The following CHM variants were observed in gnomAD, a reference collection of about 807,000 sequenced individuals.
CHM encodes the protein CHM Rab escort protein.
A neutral mutation model predicts 49.0 loss-of-function variants in CHM; 10 were observed. The observed-to-expected ratio is 0.20, with a 90% confidence interval of 0.13 to 0.35. The LOEUF (loss-of-function observed/expected upper bound fraction) is 0.35. Ranked by LOEUF, CHM falls within the 10% of genes least tolerant of loss-of-function variation. The probability of loss-of-function intolerance (pLI) is 1.00; values close to 1 mark genes in which losing one functional copy is unlikely to be tolerated. For synonymous variants in CHM, 184 were observed against 167.5 expected, an observed-to-expected ratio of 1.10 and a Z score of -0.76; for missense variants, 455 against 478.4, an observed-to-expected ratio of 0.95 and a Z score of 0.46.
intron 13 of CHM, among the ~76,000 whole-genome samples, chrX:85,873,859 A>G (rs1924258555): frequency 8.9e-6 from 1 of 111,959 alleles, no homozygotes; most frequent in Admixed American, 9.5e-5. Context: ...GTCCTAACTC[A>G]CATCCTAATG....
At chrX:85,990,031 A>T (rs1402850155) in intron 2 of CHM, among the ~76,000 whole-genome samples, 1 of 112,199 alleles carries the variant, frequency 8.9e-6, no homozygotes, top group African/African-American at 3.2e-5. Context: ...ATAAAGACAC[A>T]TGCATGCAAA....
chrX:85,997,357 C>T (rs536402898), intron 2 of CHM, among the ~76,000 whole-genome samples: 1 of 111,490 alleles, frequency 9.0e-6, no homozygotes, highest in Non-Finnish European at 1.9e-5. Context: ...TTATTGTTCA[C>T]CTCGATACCC....
intron 9 of CHM, chrX:85,903,745 T>G: frequency 2.7e-6 from 1 of 374,111 alleles, no homozygotes; most frequent in Non-Finnish European, 5.4e-6. Flanking sequence ...AGCGTGCCAC[T>G]GCTACTGTTG....
In CHM at chrX:86,044,655, G is replaced by A. The variant is rs754418852; in HGVS notation, c.49+2829C>T. ...TTTTAACGTTCAACCAATGGTACTT[G>A]TCTATAATCCACAAAACTGTCATTT... On this transcript the variant is annotated intron_variant, in intron 1 of 14. Transcript: ENST00000357749. Among the ~76,000 whole-genome samples, 4 of 111,577 alleles carry A rather than the reference G, an allele frequency of 3.6e-5. No homozygotes were observed. In the South Asian group the frequency reaches 1.5e-3, roughly 42 times the overall value.
At chrX:85,933,042 T>C (rs1179040838) in intron 8 of CHM, among the ~76,000 whole-genome samples, 2 of 111,004 alleles carry the variant, frequency 1.8e-5, no homozygotes, top group Non-Finnish European at 3.8e-5. Flanking sequence ...CAGCCTACTA[T>C]ACCTAAGAAC....
chrX:85,950,100 C>T (rs1258603416), intron 8 of CHM, among the ~76,000 whole-genome samples: 5 of 99,572 alleles, frequency 5.0e-5, no homozygotes, highest in Admixed American at 3.4e-4. Context: ...TCTGTAGTGC[C>T]GTGAGGATGA....
chrX:86,041,895 C>T (rs2147811735), intron 1 of CHM, among the ~76,000 whole-genome samples: 1 of 109,072 alleles, frequency 9.2e-6, no homozygotes, highest in East Asian at 2.9e-4. Context: ...CCACTGTAGA[C>T]AATAGATGTG....
intron 12 of CHM, among the ~76,000 whole-genome samples, chrX:85,882,914 G>A (rs1489424610): frequency 9.0e-6 from 1 of 110,771 alleles, no homozygotes; most frequent in Non-Finnish European, 1.9e-5. Context: ...TATCTACTTG[G>A]CCAAGTCAGT....
Position 85,981,864 on chromosome X carries a change from C to A in CHM, c.117-55G>T, listed in dbSNP as rs139608129. 2,314 of 885,933 alleles carry A rather than the reference C, an allele frequency of 2.6e-3. 28 individuals are homozygous for A. In the African/African-American group the frequency reaches 0.04, roughly 15 times the overall value. 73.0% of individuals were successfully genotyped at this position (885,933 alleles called of 1,213,427 possible). A position where few individuals can be genotyped will look rare whatever the true frequency, so the allele number is the denominator to read the frequency against. On this transcript the variant is annotated intron_variant, in intron 2 of 14. Transcript: ENST00000357749. Reference sequence around the variant, plus strand: ...AAAGAAAATGGTATAAAAATCAATTCACTGATCTTCATCAACAAACCATCT... The same window carrying A: ...AAAGAAAATGGTATAAAAATCAATTAACTGATCTTCATCAACAAACCATCT...
intron 4 of CHM, among the ~76,000 whole-genome samples, chrX:85,968,501 T>A (rs1167297482): frequency 8.9e-6 from 1 of 111,900 alleles, no homozygotes; most frequent in Non-Finnish European, 1.9e-5. Context: ...TCCTTGGGGA[T>A]GGATCATGAC....
At chrX:85,936,426 G>C (rs1230112639) in intron 8 of CHM, among the ~76,000 whole-genome samples, 3 of 111,548 alleles carry the variant, frequency 2.7e-5, no homozygotes, top group Non-Finnish European at 1.9e-5. Context: ...TAGGAGGTAA[G>C]ACTAGATTAT....
chrX:85,950,010 T>TATATATATATATATATATATATA (rs1929656216), intron 8 of CHM, among the ~76,000 whole-genome samples: 2 of 85,431 alleles, frequency 2.3e-5, no homozygotes, highest in African/African-American at 4.4e-5. Flanking sequence ...TATATATATA[T>TATATATATATATATATATATATA]CTTGTAATGG....
At chrX:85,880,398 G>T (rs1924689066) in intron 12 of CHM, among the ~76,000 whole-genome samples, 1 of 111,186 alleles carries the variant, frequency 9.0e-6, no homozygotes. Flanking sequence ...AGTAAACAGG[G>T]TATGCAGTTA....
chrX:85,867,473 T>C (rs1923772499), intron 14 of CHM, among the ~76,000 whole-genome samples: 1 of 112,422 alleles, frequency 8.9e-6, no homozygotes, highest in African/African-American at 3.2e-5. Context: ...CCACATGTGA[T>C]ACTGGTATAG....
Position 86,015,453 on chromosome X carries a change from T to G in CHM, c.116+12038A>C, listed in dbSNP as rs752895979. ...GTGAAAACAGACCGATACAGTAAAT[T>G]GGTACCAGTAGAGTGGGGTGTTGCT... On this transcript the variant is annotated intron_variant, in intron 2 of 14. Transcript: ENST00000357749. Among the ~76,000 whole-genome samples the G allele has an allele frequency of 5.4e-5, 6 of 111,581 alleles. No homozygotes were observed. The East Asian group carries it at 1.7e-3, about 32-fold the overall frequency.
chrX:85,963,309 T>A (rs1240541407), intron 5 of CHM, among the ~76,000 whole-genome samples: 1 of 112,012 alleles, frequency 8.9e-6, no homozygotes, highest in Non-Finnish European at 1.9e-5. Context: ...TTACTATACA[T>A]AAAGGCTAAA....
intron 1 of CHM, among the ~76,000 whole-genome samples, chrX:86,035,570 A>C (rs969737695): frequency 1.8e-5 from 2 of 111,370 alleles, no homozygotes; most frequent in Non-Finnish European, 3.8e-5. Context: ...ATGCCTTAGA[A>C]AAAACTGAAG....
intron 11 of CHM, among the ~76,000 whole-genome samples, chrX:85,894,680 T>A (rs1925705041): frequency 9.0e-6 from 1 of 111,459 alleles, no homozygotes; most frequent in Non-Finnish European, 1.9e-5. Flanking sequence ...GACATTCAAC[T>A]AGTACACTCC....
chrX:85,909,016 A>G (rs1926768556), intron 9 of CHM, among the ~76,000 whole-genome samples: 1 of 111,951 alleles, frequency 8.9e-6, no homozygotes, highest in Non-Finnish European at 1.9e-5. Flanking sequence ...AAATCTAGAA[A>G]GATATCCAGA....
Sources: allele counts gnomAD v4.1 joint callset (sites outside exome capture counted in the v4.1 genomes callset), GRCh38; gene constraint gnomAD v4.1.1; transcripts MANE v1.5; gene names NCBI Gene and HGNC (gene_info 2026-07-23, HGNC 2026-07-21).